Variants in PHKB observed in about 807,000 individuals in gnomAD.
The protein encoded by PHKB is phosphorylase kinase regulatory subunit beta.
A neutral mutation model predicts 152.1 loss-of-function variants in PHKB; 122 were observed. The ratio of observed to expected loss-of-function variants is 0.80; its 90% CI spans 0.69 to 0.93. The LOEUF (loss-of-function observed/expected upper bound fraction) is 0.93. PHKB is among the 40% of genes least tolerant of loss of function. PHKB has a pLI of 0.00. For missense variants in PHKB, 1,304 were observed against 1,328.4 expected (o/e 0.98, Z 0.29); for synonymous variants, 436 against 464.9 (o/e 0.94, Z 0.80).
At chr16:47,540,937 C>T (rs990678264) in intron 6 of PHKB, among the ~76,000 whole-genome samples, 2 of 151,048 alleles carry the variant, frequency 1.3e-5, no homozygotes, top group Non-Finnish European at 2.9e-5. Context: ...AAGCGATTCT[C>T]CTGCCTCAGC....
intron 28 of PHKB, 97 bp from the exon 29 acceptor site, chr16:47,696,284 A>C: frequency 1.3e-6 from 1 of 750,552 alleles, no homozygotes; most frequent in Non-Finnish European, 2.4e-6. Flanking sequence ...TTTTATAAAA[A>C]CTGAAAACTA....
chr16:47,463,927 C>T lies in PHKB; in HGVS notation c.76+2501C>T, dbSNP rs559529171. ...AGCCTGCGACGCTTATGATTAGAGC[C>T]AACAATTTGAAATGGCCTGCTCACC... is the stretch of plus-strand genomic sequence containing the variant. On this transcript the variant is annotated intron_variant, in intron 1 of 30. Transcript: ENST00000323584. 65 of 1,614,028 alleles carry T rather than the reference C, an allele frequency of 4.0e-5. No homozygotes were observed. In the South Asian group the frequency reaches 6.5e-4, roughly 16 times the overall value.
chr16:47,524,275 G>C (rs1970731153), intron 6 of PHKB, among the ~76,000 whole-genome samples: 1 of 151,958 alleles, frequency 6.6e-6, no homozygotes, highest in African/African-American at 2.4e-5. Flanking sequence ...CTTTATATTT[G>C]TACCTTCCCC....
chr16:47,504,782 G>C (rs1316546625), intron 4 of PHKB, among the ~76,000 whole-genome samples: 1 of 152,230 alleles, frequency 6.6e-6, no homozygotes, highest in East Asian at 1.9e-4. Context: ...AAGCCGCCTT[G>C]GCGCAGTGAA....
intron 10 of PHKB, among the ~76,000 whole-genome samples, chr16:47,590,997 A>G (rs1972019780): frequency 6.6e-6 from 1 of 151,978 alleles, no homozygotes; most frequent in Non-Finnish European, 1.5e-5. Flanking sequence ...CTCTTGCCTC[A>G]CAGAAGGAGC....
chr16:47,585,822 G>A (rs1188489524), intron 8 of PHKB, among the ~76,000 whole-genome samples: 1 of 152,130 alleles, frequency 6.6e-6, no homozygotes, highest in African/African-American at 2.4e-5. Flanking sequence ...CATTAATCAA[G>A]TAACATAGAG....
intron 6 of PHKB, among the ~76,000 whole-genome samples, chr16:47,545,957 T>C (rs1971155658): frequency 6.6e-6 from 1 of 152,228 alleles, no homozygotes; most frequent in Non-Finnish European, 1.5e-5. Flanking sequence ...AGTTGAGGTC[T>C]TCTCTACACT....
chr16:47,673,994 T>C (rs1214529878), intron 26 of PHKB, among the ~76,000 whole-genome samples: 3 of 152,170 alleles, frequency 2.0e-5, no homozygotes, highest in Non-Finnish European at 4.4e-5. Context: ...ACTTTCTGCA[T>C]GTTTTTGCTT....
intron 15 of PHKB, 87 bp from the exon 16 acceptor site, chr16:47,641,512 T>G: frequency 1.3e-6 from 1 of 756,842 alleles, no homozygotes; most frequent in East Asian, 2.6e-5. Flanking sequence ...CAAGTTAACA[T>G]GTTCCCTTTT....
intron 2 of PHKB, among the ~76,000 whole-genome samples, chr16:47,498,996 A>G (rs1035139169): frequency 2.0e-5 from 3 of 152,236 alleles, no homozygotes; most frequent in Non-Finnish European, 4.4e-5. Flanking sequence ...TAGCAATAAA[A>G]TAGTTTTTAG....
Position 47,660,767 on chromosome 16 carries a change from A to G in PHKB, c.2144A>G (p.Asn715Ser), listed in dbSNP as rs1233892507. The change falls in exon 22 of 31, where the codon AAC (asparagine) becomes AGC (serine). Residue 715 changes from asparagine to serine, a missense_variant. By Grantham distance (46) the Asn-to-Ser change is conservative. Coordinates refer to ENST00000323584, the MANE Select transcript of PHKB (RefSeq NM_000293.3). ...GAACTGGGACAGCAGCCGGATGTCA[A>G]CATTAGTGAATGGAAGGACAAACCC... is the stretch of plus-strand genomic sequence containing the variant. ...APELGQQPDV[N>S]ISEWKDKPTH... 1 of 1,614,154 alleles carries G rather than the reference A, an allele frequency of 6.2e-7. No homozygotes were observed. Among genetic ancestry groups the G allele is most frequent in the East Asian group, 2.2e-5 (1 of 44,876 alleles).
chr16:47,596,083 T>TG (rs1163020834), intron 12 of PHKB, among the ~76,000 whole-genome samples: 1 of 152,152 alleles, frequency 6.6e-6, no homozygotes, highest in Non-Finnish European at 1.5e-5. Context: ...AATTGAATCA[T>TG]GGGGGGCGGT....
chr16:47,597,454 G>A (rs1972140699), intron 13 of PHKB, among the ~76,000 whole-genome samples: 1 of 152,144 alleles, frequency 6.6e-6, no homozygotes, highest in Admixed American at 6.5e-5. Flanking sequence ...AACCAAATAA[G>A]TGAAAACTAA....
chr16:47,680,747 G>A (rs966821869), intron 26 of PHKB, among the ~76,000 whole-genome samples: 1 of 151,992 alleles, frequency 6.6e-6, no homozygotes, highest in Non-Finnish European at 1.5e-5. Context: ...TTTTTTGAAG[G>A]GTTTTTTGTG....
chr16:47,619,830 G>T (rs1597129036), intron 14 of PHKB, among the ~76,000 whole-genome samples: 1 of 152,182 alleles, frequency 6.6e-6, no homozygotes, highest in African/African-American at 2.4e-5. Context: ...CTGGCCATAT[G>T]CATTTTATTG....
chr16:47,480,055 T>C (rs563631895), intron 1 of PHKB, among the ~76,000 whole-genome samples: 56 of 152,306 alleles, frequency 3.7e-4, no homozygotes, highest in African/African-American at 1.3e-3. Context: ...TATATATACA[T>C]CTCCTGTCTC....
intron 6 of PHKB, among the ~76,000 whole-genome samples, chr16:47,533,495 C>T (rs1002092386): frequency 4.6e-5 from 7 of 152,204 alleles, no homozygotes; most frequent in African/African-American, 1.7e-4. Flanking sequence ...CCAGGCCGCC[C>T]TCAACCCTGC....
chr16:47,648,530 C>T lies in PHKB; in HGVS notation c.1609-3C>T, dbSNP rs996317088. On this transcript the variant is annotated splice_polypyrimidine_tract_variant and splice_region_variant and intron_variant, in intron 16 of 30. Transcript: ENST00000323584. ...CTCTAATTTACAAACTTGTGTCTTA[C>T]AGGCTTATTTGCAGCTGGGTATCAA... The T allele has an allele frequency of 1.9e-6, 3 of 1,604,952 alleles. No homozygotes were observed. In the East Asian group the frequency reaches 6.7e-5, roughly 36 times the overall value.
intron 20 of PHKB, among the ~76,000 whole-genome samples, chr16:47,659,089 A>G (rs906897472): frequency 6.6e-6 from 1 of 152,218 alleles, no homozygotes; most frequent in Non-Finnish European, 1.5e-5. Flanking sequence ...CTCTTAGGGA[A>G]CTTACTGTTC....
Sources: allele counts gnomAD v4.1 joint callset (sites outside exome capture counted in the v4.1 genomes callset), GRCh38; gene constraint gnomAD v4.1.1; transcripts MANE v1.5; gene names NCBI Gene and HGNC (gene_info 2026-07-23, HGNC 2026-07-21).